Variants in TMTC2 observed in about 807,000 individuals in gnomAD.
TMTC2 encodes the protein transmembrane O-mannosyltransferase targeting cadherins 2, also known as protein O-mannosyl-transferase TMTC2.
A neutral mutation model predicts 82.4 loss-of-function variants in TMTC2; 43 were observed. That is an observed-to-expected ratio of 0.52 (90% CI 0.41 to 0.67). The LOEUF is 0.67. TMTC2 is among the 30% of genes least tolerant of loss of function. The pLI is 0.00. For synonymous variants in TMTC2, 408 were observed against 381.9 expected, an observed-to-expected ratio of 1.07 and a Z score of -0.80; for missense variants, 919 against 1,012.4, an observed-to-expected ratio of 0.91 and a Z score of 1.25.
At chr12:83,036,804 C>T (rs962043139) in intron 9 of TMTC2, among the ~76,000 whole-genome samples, 2 of 152,066 alleles carry the variant, frequency 1.3e-5, no homozygotes, top group African/African-American at 4.8e-5. Context: ...AATTCAAGGG[C>T]ATTGCCTTTG....
At chr12:82,734,277 A>G (rs1455344483) in intron 1 of TMTC2, among the ~76,000 whole-genome samples, 7 of 152,224 alleles carry the variant, frequency 4.6e-5, no homozygotes, top group African/African-American at 1.7e-4. Context: ...GCTAAAGTCA[A>G]GGTGTTAACT....
chr12:83,001,393 T>C (rs1879914384), intron 8 of TMTC2, among the ~76,000 whole-genome samples: 1 of 151,938 alleles, frequency 6.6e-6, no homozygotes, highest in Admixed American at 6.6e-5. Flanking sequence ...ATCGTAGCAC[T>C]TTGGGAGGCC....
At chr12:82,831,982 G>A (rs550558345) in intron 1 of TMTC2, among the ~76,000 whole-genome samples, 4 of 152,220 alleles carry the variant, frequency 2.6e-5, no homozygotes, top group South Asian at 4.1e-4. Context: ...GCATTATGTC[G>A]CTGACTAAAA....
intron 7 of TMTC2, among the ~76,000 whole-genome samples, chr12:82,977,411 C>A (rs959168863): frequency 6.6e-6 from 1 of 151,470 alleles, no homozygotes; most frequent in Non-Finnish European, 1.5e-5. Flanking sequence ...ACCAATAGGA[C>A]AAAGTGGAGA....
chr12:83,060,742 A>G (rs1882710784), intron 10 of TMTC2, among the ~76,000 whole-genome samples: 1 of 151,748 alleles, frequency 6.6e-6, no homozygotes, highest in African/African-American at 2.4e-5. Flanking sequence ...AAGCAGCACG[A>G]TATGATCAAA....
At chr12:82,846,470 A>C (rs1410837638) in intron 1 of TMTC2, among the ~76,000 whole-genome samples, 2 of 152,034 alleles carry the variant, frequency 1.3e-5, no homozygotes, top group Non-Finnish European at 2.9e-5. Context: ...AATCTCCAAC[A>C]TCTTGGGGGC....
intron 1 of TMTC2, among the ~76,000 whole-genome samples, chr12:82,833,269 A>G (rs1190901061): frequency 6.6e-6 from 1 of 152,218 alleles, no homozygotes; most frequent in Non-Finnish European, 1.5e-5. Flanking sequence ...ACATTTATCA[A>G]CTAAAGTAGG....
At position 83,006,093 on chromosome 12, in the gene TMTC2, G is replaced by T. The variant is rs548414197; in HGVS notation, c.2070+20047G>T. On this transcript the variant is annotated intron_variant, in intron 8 of 11. Coordinates refer to ENST00000321196, the MANE Select transcript of TMTC2 (RefSeq NM_152588.3). Reference sequence around the variant, plus strand: ...GGGTGGTGGCATCTTGTGCAGCCAGGATCCCAGAAGTCCATGGTAAGTGTG... The same window carrying T: ...GGGTGGTGGCATCTTGTGCAGCCAGTATCCCAGAAGTCCATGGTAAGTGTG... 3.3e-5 allele frequency among the ~76,000 whole-genome samples: 5 copies of T among 152,260 alleles called. No homozygotes were observed. In the South Asian group the frequency reaches 6.2e-4, roughly 19 times the overall value.
intron 10 of TMTC2, among the ~76,000 whole-genome samples, chr12:83,052,915 T>C (rs553283363): frequency 6.7e-6 from 1 of 150,206 alleles, no homozygotes; most frequent in East Asian, 2.0e-4. Context: ...CCCTCCTATA[T>C]TGACTGCAAG....
intron 11 of TMTC2, among the ~76,000 whole-genome samples, chr12:83,122,077 T>G (rs1884968795): frequency 6.6e-6 from 1 of 151,330 alleles, no homozygotes; most frequent in South Asian, 2.1e-4. Context: ...TGCTACCCGC[T>G]TCCCAGCTGT....
chr12:82,962,263 GAT>G (rs1299826317), intron 4 of TMTC2, among the ~76,000 whole-genome samples: 1 of 152,022 alleles, frequency 6.6e-6, no homozygotes, highest in African/African-American at 2.4e-5. Flanking sequence ...CATTGTCAGA[GAT>G]ATGTGCTCAT....
chr12:82,886,555 C>CT (rs1378437547), intron 2 of TMTC2, among the ~76,000 whole-genome samples: 1 of 152,088 alleles, frequency 6.6e-6, no homozygotes, highest in Non-Finnish European at 1.5e-5. Context: ...TCTTAAGATA[C>CT]TTTTTTATGC....
chr12:83,000,897 A>G (rs974219220), intron 8 of TMTC2, among the ~76,000 whole-genome samples: 1 of 152,132 alleles, frequency 6.6e-6, no homozygotes, highest in Non-Finnish European at 1.5e-5. Context: ...TCAACACCAC[A>G]TGGAAGCTGC....
At chr12:83,104,766 T>A (rs541962435) in intron 11 of TMTC2, among the ~76,000 whole-genome samples, 48 of 152,338 alleles carry the variant, frequency 3.2e-4, no homozygotes, top group Middle Eastern at 3.4e-3. Flanking sequence ...TGCAAATACC[T>A]CTAGCAAGTG....
At chr12:82,856,441 C>T (rs1871262451) in intron 1 of TMTC2, among the ~76,000 whole-genome samples, 2 of 152,194 alleles carry the variant, frequency 1.3e-5, no homozygotes, top group African/African-American at 4.8e-5. Flanking sequence ...CCATCAACAT[C>T]AGCATCACCT....
intron 11 of TMTC2, among the ~76,000 whole-genome samples, chr12:83,102,723 G>T (rs1435093694): frequency 6.6e-6 from 1 of 152,140 alleles, no homozygotes; most frequent in Non-Finnish European, 1.5e-5. Flanking sequence ...TTATCTGTAT[G>T]TGTCACTTCC....
At chr12:83,016,752 A>G (rs1880697805) in intron 8 of TMTC2, among the ~76,000 whole-genome samples, 1 of 152,198 alleles carries the variant, frequency 6.6e-6, no homozygotes, top group Non-Finnish European at 1.5e-5. Context: ...ATGAACTGTG[A>G]AGCCAGATAG....
intron 1 of TMTC2, among the ~76,000 whole-genome samples, chr12:82,813,611 A>T (rs944580448): frequency 1.3e-5 from 2 of 152,010 alleles, no homozygotes; most frequent in African/African-American, 2.4e-5. Flanking sequence ...TATAAACTAT[A>T]TTTTTACAGT....
intron 1 of TMTC2, among the ~76,000 whole-genome samples, chr12:82,796,299 C>T (rs569503310): frequency 5.9e-5 from 9 of 152,116 alleles, no homozygotes; most frequent in East Asian, 1.9e-4. Flanking sequence ...GAAACAAGGC[C>T]GAAGAATGAT....
Sources: allele counts gnomAD v4.1 joint callset (sites outside exome capture counted in the v4.1 genomes callset), GRCh38; gene constraint gnomAD v4.1.1; transcripts MANE v1.5; gene names NCBI Gene and HGNC (gene_info 2026-07-23, HGNC 2026-07-21).